Variants in DAPK1 observed in about 807,000 individuals in gnomAD.
DAPK1 encodes the protein death-associated protein kinase 1.
DAPK1 carries 56 observed loss-of-function variants against 144.9 expected under a neutral mutation model. The ratio of observed to expected loss-of-function variants is 0.39; its 90% CI spans 0.31 to 0.48. The LOEUF is 0.48. DAPK1 is among the 20% of genes least tolerant of loss of function. The pLI is 0.95. For synonymous variants in DAPK1, 690 were observed against 749.0 expected (o/e 0.92, Z 1.29); for missense variants, 1,454 against 1,875.4 (o/e 0.78, Z 4.15).
At chr9:87,640,685 C>T (rs7048055) in intron 8 of DAPK1, 117 bp from the exon 9 acceptor site, 1 of 1,203,150 alleles carries the variant, frequency 8.3e-7, no homozygotes, top group African/African-American at 1.5e-5. Flanking sequence ...TTTTGGCTTT[C>T]TTCCCTGAAC....
intron 18 of DAPK1, among the ~76,000 whole-genome samples, chr9:87,664,274 T>C (rs765095922): frequency 1.2e-4 from 19 of 152,118 alleles, no homozygotes; most frequent in Non-Finnish European, 2.8e-4. Flanking sequence ...AGTTGTCACC[T>C]GCTGTTCTTT....
intron 2 of DAPK1, among the ~76,000 whole-genome samples, chr9:87,510,245 G>C (rs943499112): frequency 6.6e-6 from 1 of 152,152 alleles, no homozygotes; most frequent in South Asian, 2.1e-4. Flanking sequence ...GGAGAAGCAG[G>C]AAGTCCCTTG....
chr9:87,704,326 G>C (rs1825558446), intron 25 of DAPK1, among the ~76,000 whole-genome samples: 1 of 152,188 alleles, frequency 6.6e-6, no homozygotes, highest in African/African-American at 2.4e-5. Context: ...TAGTAGACCA[G>C]CAACTTTCTA....
At chr9:87,556,335 C>G (rs1826714100) in intron 2 of DAPK1, among the ~76,000 whole-genome samples, 1 of 152,198 alleles carries the variant, frequency 6.6e-6, no homozygotes. Context: ...AGGTACTTTG[C>G]CCAAGCTTCC....
At chr9:87,647,914 T>A (rs907836963) in intron 14 of DAPK1, among the ~76,000 whole-genome samples, 1 of 152,266 alleles carries the variant, frequency 6.6e-6, no homozygotes, top group African/African-American at 2.4e-5. Flanking sequence ...TTTTCATATG[T>A]GTGTGTTTCA....
chr9:87,500,806 C>T (rs1587661341), intron 2 of DAPK1, among the ~76,000 whole-genome samples: 1 of 152,020 alleles, frequency 6.6e-6, no homozygotes, highest in East Asian at 1.9e-4. Flanking sequence ...TAACGTTCTC[C>T]CCACTGTGCA....
At chr9:87,550,714 G>C (rs1826445941) in intron 2 of DAPK1, among the ~76,000 whole-genome samples, 1 of 152,136 alleles carries the variant, frequency 6.6e-6, no homozygotes, top group Non-Finnish European at 1.5e-5. Flanking sequence ...ATTTGAGGGG[G>C]TCATAATTCA....
intron 2 of DAPK1, among the ~76,000 whole-genome samples, chr9:87,511,146 C>G (rs1275733067): frequency 6.6e-6 from 1 of 152,188 alleles, no homozygotes; most frequent in African/African-American, 2.4e-5. Context: ...CTGCCTGTCT[C>G]TCCTTTGGCT....
intron 3 of DAPK1, among the ~76,000 whole-genome samples, chr9:87,619,164 C>T (rs920299273): frequency 1.3e-5 from 2 of 152,192 alleles, no homozygotes; most frequent in African/African-American, 4.8e-5. Flanking sequence ...ACATGTCACC[C>T]TCTCTGGATT....
intron 3 of DAPK1, among the ~76,000 whole-genome samples, chr9:87,623,070 A>G (rs766254801): frequency 8.5e-5 from 13 of 152,122 alleles, no homozygotes; most frequent in Non-Finnish European, 1.0e-4. Context: ...GGGTAATCAC[A>G]TAAGGGGCCC....
intron 3 of DAPK1, among the ~76,000 whole-genome samples, chr9:87,615,406 C>T (rs1403010202): frequency 6.6e-6 from 1 of 152,128 alleles, no homozygotes; most frequent in Non-Finnish European, 1.5e-5. Flanking sequence ...AGGCAGTGAC[C>T]GAGCATGGCT....
In DAPK1 at chr9:87,628,439, C is replaced by T. The variant is rs143342110; in HGVS notation, c.285-9504C>T. The stretch of plus-strand genomic sequence containing the variant: ...TTCCAACCTTAAATTCACTCCGGTT[C>T]GACAAATGCAGAAAGGAATGCCCTG... On this transcript the variant is annotated intron_variant, in intron 3 of 25. Coordinates refer to ENST00000408954, the MANE Select transcript of DAPK1 (RefSeq NM_004938.4). 6.5e-3 allele frequency among the ~76,000 whole-genome samples: 995 copies of T among 152,286 alleles called. 9 individuals are homozygous for T. The highest frequency in any genetic ancestry group is 0.021 in the African/African-American group (885 of 41,548).
At chr9:87,548,913 C>CTTTTTTTTTTTTTTTTTTTTTTTTT (rs11291160) in intron 2 of DAPK1, among the ~76,000 whole-genome samples, 15 of 63,870 alleles carry the variant, frequency 2.3e-4, no homozygotes, top group Non-Finnish European at 3.4e-4. Context: ...GATTTCATTC[C>CTTTTTTTTTTTTTTTTTTTTTTTTT]TTTTTTTTTT....
In DAPK1 at chr9:87,679,090, A is replaced by G. The variant is rs140555015; in HGVS notation, c.2002-2314A>G. On this transcript the variant is annotated intron_variant, in intron 19 of 25. Transcript: ENST00000408954. ...AATGGTCCCGCCAGGTGTAGATCACATGGAGGTGCCCTTGCGTGGGTCCCT... is the reference window on the plus strand; with the variant it reads ...AATGGTCCCGCCAGGTGTAGATCACGTGGAGGTGCCCTTGCGTGGGTCCCT... 2.7e-3 allele frequency among the ~76,000 whole-genome samples: 287 copies of G among 105,100 alleles called. 1 individual carries two copies. The highest frequency in any genetic ancestry group is 0.01 in the African/African-American group (282 of 27,690). The allele number at this position is 105,100 out of a possible 152,430, so 68.9% of individuals were successfully genotyped here. A position where few individuals can be genotyped will look rare whatever the true frequency, so the allele number is the denominator to read the frequency against.
At chr9:87,608,430 A>G (rs183596828) in intron 3 of DAPK1, among the ~76,000 whole-genome samples, 1 of 152,330 alleles carries the variant, frequency 6.6e-6, no homozygotes, top group Admixed American at 6.5e-5. Context: ...AAACTGCTAC[A>G]AACATTCCCA....
At chr9:87,640,960 A>C in intron 9 of DAPK1, 113 bp downstream of exon 9, 3 of 1,027,838 alleles carry the variant, frequency 2.9e-6, no homozygotes, top group Non-Finnish European at 4.6e-6. Flanking sequence ...CTGGAGTGTT[A>C]AGTTTGCTAT....
At chr9:87,673,033 T>G (rs1330389910) in intron 19 of DAPK1, among the ~76,000 whole-genome samples, 1 of 152,206 alleles carries the variant, frequency 6.6e-6, no homozygotes, top group Non-Finnish European at 1.5e-5. Flanking sequence ...TCATTTCTCC[T>G]TGATATTCCC....
At chr9:87,662,560 G>GTTTTGTT (rs1554700237) in intron 18 of DAPK1, among the ~76,000 whole-genome samples, 27 of 32,142 alleles carry the variant, frequency 8.4e-4, no homozygotes, top group African/African-American at 2.4e-3. Context: ...TATATTCCTA[G>GTTTTGTT]TTTTTTTTTT....
intron 2 of DAPK1, among the ~76,000 whole-genome samples, chr9:87,530,996 C>T (rs1587692380): frequency 6.6e-6 from 1 of 152,124 alleles, no homozygotes; most frequent in East Asian, 1.9e-4. Context: ...TAAAAACAGA[C>T]CAGTGAATTC....
Sources: gnomAD v4.1 joint callset for allele counts (sites outside exome capture counted in the v4.1 genomes callset) on GRCh38, gnomAD v4.1.1 for gene constraint, MANE v1.5 for transcripts, NCBI Gene and HGNC (gene_info 2026-07-23, HGNC 2026-07-21) for gene names.